The following FBLIM1 variants were observed in gnomAD, a reference collection of about 807,000 sequenced individuals.
The protein encoded by FBLIM1 is filamin binding LIM protein 1, also known as filamin-binding LIM protein 1.
Under a neutral mutation model 37.4 loss-of-function variants are expected in FBLIM1, and 29 were observed. The observed-to-expected ratio is 0.77, with a 90% CI of 0.58 to 1.06. The LOEUF is 1.06. Among genes scored for constraint, FBLIM1 ranks in the 50% least tolerant of loss-of-function variants. FBLIM1 has a pLI of 0.00. For synonymous variants in FBLIM1, 193 were observed against 199.0 expected (o/e 0.97, Z 0.25); for missense variants, 449 against 505.6 (o/e 0.89, Z 1.07).
intron 8 of FBLIM1, among the ~76,000 whole-genome samples, chr1:15,778,645 CT>C (rs57110270): frequency 0.85 from 125,179 of 146,982 alleles, 53,250 homozygotes; most frequent in Admixed American, 0.87. Flanking sequence ...GCTTCTTTTT[CT>C]TTTTTTTTTT....
intron 8 of FBLIM1, among the ~76,000 whole-genome samples, chr1:15,781,164 C>T (rs749394074): frequency 6.6e-6 from 1 of 151,990 alleles, no homozygotes; most frequent in African/African-American, 2.4e-5. Context: ...TGGAGACCAT[C>T]CTGGCCAACA....
At chr1:15,763,732 C>T (rs2148487091) in intron 1 of FBLIM1, among the ~76,000 whole-genome samples, 1 of 152,114 alleles carries the variant, frequency 6.6e-6, no homozygotes, top group African/African-American at 2.4e-5. Context: ...CTCGGCCTCC[C>T]AGGTTCAAGC....
intron 6 of FBLIM1, among the ~76,000 whole-genome samples, chr1:15,770,794 A>T (rs2069164999): frequency 6.6e-6 from 1 of 152,256 alleles, no homozygotes; most frequent in Non-Finnish European, 1.5e-5. Flanking sequence ...GGCTTCCAGC[A>T]GTACACGTTT....
At chr1:15,763,830 G>T (rs1287555229) in intron 1 of FBLIM1, among the ~76,000 whole-genome samples, 1 of 151,926 alleles carries the variant, frequency 6.6e-6, no homozygotes, top group African/African-American at 2.4e-5. Context: ...AGTAGAGATG[G>T]GGTTTCACCA....
chr1:15,779,050 C>A (rs1280663270), intron 8 of FBLIM1, among the ~76,000 whole-genome samples: 1 of 152,106 alleles, frequency 6.6e-6, no homozygotes, highest in African/African-American at 2.4e-5. Context: ...TTCTCCCTGC[C>A]TCAGCCTCCT....
chr1:15,768,693 T>G, intron 5 of FBLIM1, 63 bp downstream of exon 5: 18 of 1,376,180 alleles, frequency 1.3e-5, no homozygotes, highest in Non-Finnish European at 1.7e-5. Flanking sequence ...GGCTTCCAGG[T>G]AGAAACCAAG....
intron 4 of FBLIM1, 26 bp from the exon 5 acceptor site, chr1:15,768,502 A>T: frequency 6.7e-7 from 1 of 1,490,456 alleles, no homozygotes; most frequent in South Asian, 1.3e-5. Context: ...GTCCCACTGG[A>T]TGACTCCCCG....
In FBLIM1 at chr1:15,774,808, G is replaced by A. The variant is rs776202674; in HGVS notation, c.890+12G>A. ...GACGACTTCTACAGGTACGAGAAGGGTTTGTGCACTGGGTGGGGTGCAGGG... is the reference window on the plus strand; with the variant it reads ...GACGACTTCTACAGGTACGAGAAGGATTTGTGCACTGGGTGGGGTGCAGGG... On this transcript the variant is annotated intron_variant, in intron 7 of 8. Transcript: ENST00000375766. 1.2e-6 allele frequency: 2 copies of A among 1,614,120 alleles called. No homozygotes were observed. The highest frequency in any genetic ancestry group is 8.5e-7 in the Non-Finnish European group (1 of 1,179,978).
At chr1:15,780,258 G>A (rs1168607505) in intron 8 of FBLIM1, among the ~76,000 whole-genome samples, 1 of 152,012 alleles carries the variant, frequency 6.6e-6, no homozygotes, top group Non-Finnish European at 1.5e-5. Context: ...GAGTACAGTG[G>A]CGCTATCTCG....
Position 15,784,884 on chromosome 1 carries a change from A to C in FBLIM1, c.*223A>C. 1 of 408,390 alleles carries C rather than the reference A, an allele frequency of 2.4e-6. No individual in the cohort carries two copies. 25.3% of individuals were successfully genotyped at this position (408,390 alleles called of 1,614,324 possible). Reference sequence around the variant, plus strand: ...AGAAGGCTCCTGGACCATGAGCTTCACCCCCAGAATTCCCTGCTGACCCTG... The same window carrying C: ...AGAAGGCTCCTGGACCATGAGCTTCCCCCCCAGAATTCCCTGCTGACCCTG... On this transcript the variant is annotated 3_prime_UTR_variant, in exon 9 of 9. Coordinates refer to ENST00000375766, the MANE Select transcript of FBLIM1 (RefSeq NM_017556.4).
chr1:15,767,414 G>A lies in FBLIM1; in HGVS notation c.289G>A (p.Val97Met), dbSNP rs761195990. The A allele has an allele frequency of 1.6e-5, 26 of 1,577,360 alleles. No individual in the cohort carries two copies. The highest frequency in any genetic ancestry group is 7.0e-5 in the Admixed American group (4 of 57,290). Residue 97 changes from valine (V) to methionine (M), a missense_variant, in exon 4 of 9, where the codon GTG becomes ATG. Coordinates refer to ENST00000375766, the MANE Select transcript of FBLIM1 (RefSeq NM_017556.4). ...PPPPVLDGED[V>M]LPDLDLLPPP... ...TCCTCCTGTCCTGGATGGTGAGGACGTGCTTCCTGACCTGGACCTCCTCCC... is the reference window on the plus strand; with the variant it reads ...TCCTCCTGTCCTGGATGGTGAGGACATGCTTCCTGACCTGGACCTCCTCCC...
At chr1:15,782,839 T>C (rs146431473) in intron 8 of FBLIM1, among the ~76,000 whole-genome samples, 2,918 of 150,862 alleles carry the variant, frequency 0.019, 77 homozygotes, top group African/African-American at 0.06. Flanking sequence ...GACGGAGTCT[T>C]GCCCTGTCTC....
At chr1:15,764,290 A>G (rs1285930546) in intron 1 of FBLIM1, among the ~76,000 whole-genome samples, 1 of 152,208 alleles carries the variant, frequency 6.6e-6, no homozygotes, top group Non-Finnish European at 1.5e-5. Flanking sequence ...GGGTGATGAT[A>G]GTGCCTGCCC....
At position 15,767,540 on chromosome 1, in the gene FBLIM1, T is replaced by C. The variant is rs1286901764; in HGVS notation, c.415T>C (p.Ser139Pro). ...TGCAGACTTAGAGCAGCTGCACCTG[T>C]CCCCGCCCCCGCCCCCACCACAGGT... ...LIADLEQLHL[S>P]PPPPPPQAPA... is the part of the protein sequence containing the mutation. The change falls in exon 4 of 9, where the codon TCC (serine) becomes CCC (proline). Residue 139 changes from serine (S) to proline (P), a missense_variant. By Grantham distance (74) the Ser-to-Pro change is moderately conservative. Coordinates refer to ENST00000375766, the MANE Select transcript of FBLIM1 (RefSeq NM_017556.4). 2 of 1,409,210 alleles carry C rather than the reference T, an allele frequency of 1.4e-6. No individual in the cohort carries two copies. Among genetic ancestry groups the C allele is most frequent in the East Asian group, 3.1e-5 (1 of 32,684 alleles). The allele number at this position is 1,409,210 out of a possible 1,614,324, so 87.3% of individuals were successfully genotyped here. A position where few individuals can be genotyped will look rare whatever the true frequency, so the allele number is the denominator to read the frequency against.
At position 15,777,329 on chromosome 1, in the gene FBLIM1, G is replaced by A. The variant is rs199642171; in HGVS notation, c.1008+42G>A. On this transcript the variant is annotated intron_variant, in intron 8 of 8. Coordinates refer to ENST00000375766, the MANE Select transcript of FBLIM1 (RefSeq NM_017556.4). ...TGGTTTAATAACATTCCATTGCTGC[G>A]TGCCAGGCCCTTAGCTGGGTTGCTT... 77 of 1,478,532 alleles carry A rather than the reference G, an allele frequency of 5.2e-5. No homozygotes were observed. The African/African-American group carries it at 8.3e-4, about 16-fold the overall frequency. 91.6% of individuals were successfully genotyped at this position (1,478,532 alleles called of 1,614,324 possible).
At chr1:15,763,440 G>A (rs1035169132) in intron 1 of FBLIM1, among the ~76,000 whole-genome samples, 3 of 151,210 alleles carry the variant, frequency 2.0e-5, no homozygotes, top group Admixed American at 6.6e-5. Flanking sequence ...AGACCATCCT[G>A]GTTAACATGG....
At chr1:15,764,761 G>A in intron 2 of FBLIM1, 76 bp downstream of exon 2, 1 of 639,050 alleles carries the variant, frequency 1.6e-6, no homozygotes, top group East Asian at 2.8e-5. Flanking sequence ...TCTCACCCCT[G>A]TGGCCAAGTT....
At chr1:15,758,689 C>G (rs537966468), upstream of FBLIM1, 22 of 151,690 alleles carry the variant, frequency 1.5e-4, no homozygotes, top group African/African-American at 5.1e-4. The surrounding 1 kb of genome is among the most constrained non-coding windows in gnomAD (Gnocchi z 6.2). Flanking sequence ...CCCCCTCCCC[C>G]CGAGCCTCAC....
intron 6 of FBLIM1, among the ~76,000 whole-genome samples, chr1:15,770,872 G>A (rs1397256501): frequency 6.6e-6 from 1 of 152,204 alleles, no homozygotes; most frequent in Non-Finnish European, 1.5e-5. Flanking sequence ...AAGGTGGTGT[G>A]CTGTCTGGAG....
Sources: allele counts gnomAD v4.1 joint callset (sites outside exome capture counted in the v4.1 genomes callset), GRCh38; gene constraint gnomAD v4.1.1; non-coding constraint Gnocchi (gnomAD v3.1); transcripts MANE v1.5; gene names NCBI Gene and HGNC (gene_info 2026-07-23, HGNC 2026-07-21).